The following MSRA variants were observed in gnomAD, a reference collection of about 807,000 sequenced individuals.
The protein encoded by MSRA is methionine sulfoxide reductase A.
In MSRA, 54 loss-of-function variants were observed where a neutral mutation model predicts 31.3. The ratio of observed to expected loss-of-function variants is 1.73; its 90% CI spans 1.39 to 2.17. The LOEUF (loss-of-function observed/expected upper bound fraction) is 2.17, where lower values mean the gene tolerates loss of function less well. Ranked by LOEUF, MSRA falls within the 30% of genes most tolerant of loss-of-function variation. MSRA has a pLI of 0.00. For missense variants in MSRA, 507 were observed against 300.9 expected (o/e 1.69, Z -5.07); for synonymous variants, 169 against 116.5 (o/e 1.45, Z -2.90).
chr8:10,426,991 C>G (rs1224269755), intron 5 of MSRA, among the ~76,000 whole-genome samples: 1 of 7,436 alleles, frequency 1.3e-4, no homozygotes, highest in East Asian at 4.9e-3. Flanking sequence ...TCTGCTGGCT[C>G]AGACGGCGAA....
intron 1 of MSRA, among the ~76,000 whole-genome samples, chr8:10,188,625 G>GC (rs1274076341): frequency 2.0e-5 from 3 of 152,156 alleles, no homozygotes; most frequent in Non-Finnish European, 4.4e-5. Flanking sequence ...GTCCCATTTA[G>GC]ATATACAGTT....
chr8:10,159,362 G>C (rs1046695333), intron 1 of MSRA, among the ~76,000 whole-genome samples: 2 of 152,144 alleles, frequency 1.3e-5, no homozygotes, highest in African/African-American at 4.8e-5. Flanking sequence ...GATCAGGAGT[G>C]GTCTCTGGGC....
At chr8:10,220,464 A>C (rs1360733335) in intron 2 of MSRA, among the ~76,000 whole-genome samples, 2 of 152,266 alleles carry the variant, frequency 1.3e-5, no homozygotes, top group Non-Finnish European at 2.9e-5. Context: ...GAGTGAACAC[A>C]TAGTCAGATG....
At chr8:10,241,037 A>T (rs955347090) in intron 2 of MSRA, among the ~76,000 whole-genome samples, 2 of 151,968 alleles carry the variant, frequency 1.3e-5, no homozygotes, top group African/African-American at 4.8e-5. Context: ...CTTCCTCTTT[A>T]TGATAGACTG....
intron 1 of MSRA, among the ~76,000 whole-genome samples, chr8:10,132,144 AC>A (rs1391638212): frequency 2.0e-5 from 3 of 151,876 alleles, no homozygotes; most frequent in Admixed American, 2.0e-4. Context: ...ATTTATCTGA[AC>A]CGTGCTTTTC....
At chr8:10,065,155 C>T (rs1389903533) in intron 1 of MSRA, among the ~76,000 whole-genome samples, 2 of 152,162 alleles carry the variant, frequency 1.3e-5, no homozygotes, top group African/African-American at 4.8e-5. Flanking sequence ...TACCATTCAG[C>T]ATTCCTCACA....
rs140909282 is a variant in MSRA at position 10,158,194 on chromosome 8, A to C, written c.143-49639A>C. 1.5e-3 allele frequency among the ~76,000 whole-genome samples: 229 copies of C among 152,308 alleles called. 1 individual carries two copies. The highest frequency in any genetic ancestry group is 5.3e-3 in the African/African-American group (221 of 41,564). On this transcript the variant is annotated intron_variant, in intron 1 of 5. Coordinates refer to ENST00000317173, the MANE Select transcript of MSRA (RefSeq NM_012331.5). ...ATAACCCCCAAGGCTCCACCTCCTA[A>C]TACTGTCACATTGTGAGGAAAGATG...
chr8:10,394,817 G>C (rs888862938), intron 5 of MSRA, among the ~76,000 whole-genome samples: 1 of 152,252 alleles, frequency 6.6e-6, no homozygotes, highest in Non-Finnish European at 1.5e-5. Context: ...CCTCCACCCA[G>C]TATCATGATG....
intron 5 of MSRA, among the ~76,000 whole-genome samples, chr8:10,372,310 G>T (rs1194183598): frequency 6.6e-6 from 1 of 152,230 alleles, no homozygotes; most frequent in Non-Finnish European, 1.5e-5. Flanking sequence ...TGAGCGGAAA[G>T]TGCTCAGAGT....
intron 2 of MSRA, among the ~76,000 whole-genome samples, chr8:10,244,769 C>G (rs1322611124): frequency 6.6e-6 from 1 of 152,048 alleles, no homozygotes; most frequent in African/African-American, 2.4e-5. Context: ...TCTATTGATT[C>G]AAGTTATGAA....
At chr8:10,244,736 G>GGAGT (rs536917091) in intron 2 of MSRA, among the ~76,000 whole-genome samples, 157 of 152,254 alleles carry the variant, frequency 1.0e-3, no homozygotes, top group African/African-American at 3.6e-3. Flanking sequence ...ATGTGACCAG[G>GGAGT]GAGTGGATCA....
chr8:10,056,001 C>G lies in MSRA; in HGVS notation c.142+1343C>G, dbSNP rs62488689. On this transcript the variant is annotated intron_variant, in intron 1 of 5. Coordinates refer to ENST00000317173, the MANE Select transcript of MSRA (RefSeq NM_012331.5). ...AAATCTAGATTAGTAAACATCTATACTTATATATAGATTTATAAAATATAA... is the reference window on the plus strand; with the variant it reads ...AAATCTAGATTAGTAAACATCTATAGTTATATATAGATTTATAAAATATAA... Among the ~76,000 whole-genome samples, 4 of 151,828 alleles carry G rather than the reference C, an allele frequency of 2.6e-5. No homozygotes were observed. The East Asian group carries it at 7.7e-4, about 29-fold the overall frequency.
intron 5 of MSRA, among the ~76,000 whole-genome samples, chr8:10,348,076 C>T (rs999185243): frequency 3.9e-5 from 6 of 152,256 alleles, no homozygotes; most frequent in Non-Finnish European, 7.4e-5. Flanking sequence ...ATAACCCTCA[C>T]GTTAAGGTGG....
intron 2 of MSRA, among the ~76,000 whole-genome samples, chr8:10,231,709 C>T (rs1053330289): frequency 3.9e-5 from 6 of 152,176 alleles, no homozygotes; most frequent in Admixed American, 3.9e-4. Context: ...TCAAGACCAG[C>T]CTGGTCAACA....
intron 2 of MSRA, among the ~76,000 whole-genome samples, chr8:10,226,763 T>A (rs78915467): frequency 6.6e-6 from 1 of 152,232 alleles, no homozygotes; most frequent in South Asian, 2.1e-4. Flanking sequence ...TTCTTTACTT[T>A]GCCCCAGGCC....
chr8:10,182,490 A>C (rs184126011), intron 1 of MSRA, among the ~76,000 whole-genome samples: 2 of 152,328 alleles, frequency 1.3e-5, no homozygotes, highest in Non-Finnish European at 2.9e-5. Flanking sequence ...AGCTCATCTG[A>C]AGGCTCAACT....
chr8:10,195,996 C>T (rs913943333), intron 1 of MSRA, among the ~76,000 whole-genome samples: 5 of 152,116 alleles, frequency 3.3e-5, no homozygotes, highest in African/African-American at 1.2e-4. Context: ...GAGGTGTGGG[C>T]CCATCAGGCT....
chr8:10,112,948 A>G (rs1209411230), intron 1 of MSRA, among the ~76,000 whole-genome samples: 5 of 151,886 alleles, frequency 3.3e-5, no homozygotes, highest in Non-Finnish European at 5.9e-5. Context: ...GTCATTCCTG[A>G]CCACCCCGTC....
At chr8:10,055,535 C>A in intron 1 of MSRA, among the ~76,000 whole-genome samples, 1 of 152,198 alleles carries the variant, frequency 6.6e-6, no homozygotes, top group East Asian at 1.9e-4. Flanking sequence ...GGGCGTTCCC[C>A]CATTACTGAA....
Sources: allele counts gnomAD v4.1 joint callset (sites outside exome capture counted in the v4.1 genomes callset), GRCh38; gene constraint gnomAD v4.1.1; transcripts MANE v1.5; gene names NCBI Gene and HGNC (gene_info 2026-07-23, HGNC 2026-07-21).